CCDC171: variants seen among roughly 807,000 people sequenced by gnomAD.
CCDC171 encodes coiled-coil domain-containing protein 171.
In CCDC171, 177 loss-of-function variants were observed where a neutral mutation model predicts 168.2. The observed-to-expected ratio is 1.05, with a 90% CI of 0.93 to 1.19. CCDC171 has a LOEUF of 1.19. Among genes scored for constraint, CCDC171 ranks in the 50% most tolerant of loss-of-function variants. CCDC171 has a pLI of 0.00. For missense variants in CCDC171, 1,991 were observed against 1,539.0 expected, an observed-to-expected ratio of 1.29 and a Z score of -4.91; for synonymous variants, 687 against 540.8, an observed-to-expected ratio of 1.27 and a Z score of -3.75.
chr9:15,887,850 T>C (rs2131431632), intron 24 of CCDC171: 1 of 152,264 alleles, frequency 6.6e-6, no homozygotes, highest in African/African-American at 2.4e-5. Flanking sequence ...AAAACAGGAA[T>C]TGCATGTAAA....
chr9:15,571,477 C>A, intron 2 of CCDC171, 147 bp from the exon 3 acceptor site: 1 of 545,868 alleles, frequency 1.8e-6, no homozygotes, highest in East Asian at 3.4e-5. Flanking sequence ...TTGCAGTGGA[C>A]ATCTTTTACT....
intron 7 of CCDC171, among the ~76,000 whole-genome samples, chr9:15,652,588 A>G (rs1390841514): frequency 6.6e-6 from 1 of 151,894 alleles, no homozygotes; most frequent in Non-Finnish European, 1.5e-5. Context: ...CCACCACCAC[A>G]CTTGGCTAAT....
chr9:15,837,822 G>A (rs2060514549), intron 21 of CCDC171, among the ~76,000 whole-genome samples: 1 of 152,180 alleles, frequency 6.6e-6, no homozygotes, highest in African/African-American at 2.4e-5. Flanking sequence ...ATTGCACGAT[G>A]GGAAAGCCGG....
chr9:15,699,254 T>C (rs2051479550), intron 11 of CCDC171, among the ~76,000 whole-genome samples: 1 of 152,090 alleles, frequency 6.6e-6, no homozygotes, highest in Admixed American at 6.6e-5. Flanking sequence ...TCTGGAGTTG[T>C]TCGTTCCTCC....
At chr9:15,844,437 T>G (rs2130701178) in intron 21 of CCDC171, among the ~76,000 whole-genome samples, 1 of 152,196 alleles carries the variant, frequency 6.6e-6, no homozygotes. Context: ...GACGTATTCT[T>G]GAATCACGGT....
At chr9:15,998,283 T>G (rs1004585222) in intron 3 of CCDC171, among the ~76,000 whole-genome samples, 1 of 152,204 alleles carries the variant, frequency 6.6e-6, no homozygotes, top group African/African-American at 2.4e-5. Context: ...GCAGAGTATT[T>G]CCTCTCAGCT....
chr9:15,856,480 G>A (rs1252188712), intron 23 of CCDC171, among the ~76,000 whole-genome samples: 1 of 151,866 alleles, frequency 6.6e-6, no homozygotes, highest in African/African-American at 2.4e-5. Context: ...TGTCCTCAAG[G>A]TTCATCCATT....
chr9:15,583,966 C>A (rs769553274), intron 4 of CCDC171, among the ~76,000 whole-genome samples: 1 of 152,258 alleles, frequency 6.6e-6, no homozygotes, highest in East Asian at 1.9e-4. Flanking sequence ...CTCCCGGGTT[C>A]AAGCAATTCT....
intron 7 of CCDC171, among the ~76,000 whole-genome samples, chr9:15,642,703 C>T (rs1229839802): frequency 6.6e-6 from 1 of 151,934 alleles, no homozygotes; most frequent in African/African-American, 2.4e-5. Flanking sequence ...TTGATAGTTT[C>T]AGTAATAATA....
chr9:15,798,852 C>T (rs2058682317), intron 21 of CCDC171, among the ~76,000 whole-genome samples: 1 of 151,884 alleles, frequency 6.6e-6, no homozygotes. Flanking sequence ...TTAGGTATTT[C>T]TCTTTTTTAC....
chr9:15,685,271 C>A (rs559340811), intron 10 of CCDC171, among the ~76,000 whole-genome samples: 1 of 152,104 alleles, frequency 6.6e-6, no homozygotes, highest in Non-Finnish European at 1.5e-5. Flanking sequence ...TGTTTTCATT[C>A]TCAAATTCCT....
At chr9:16,044,234 G>T (rs1355474219) in intron 1 of CCDC171, among the ~76,000 whole-genome samples, 1 of 152,266 alleles carries the variant, frequency 6.6e-6, no homozygotes, top group Non-Finnish European at 1.5e-5. Context: ...ATTCATTTTT[G>T]ATTTAAATAT....
chr9:15,708,119 A>T (rs866473900), intron 11 of CCDC171, among the ~76,000 whole-genome samples: 5 of 152,104 alleles, frequency 3.3e-5, no homozygotes, highest in Admixed American at 2.6e-4. Flanking sequence ...AAGTGTTGGG[A>T]TTACAGGCAT....
intron 11 of CCDC171, among the ~76,000 whole-genome samples, chr9:15,705,204 TATCA>T (rs1564250848): frequency 1.3e-5 from 2 of 152,136 alleles, no homozygotes; most frequent in Non-Finnish European, 2.9e-5. Context: ...TGTATATGGA[TATCA>T]AGTAATGAAG....
intron 21 of CCDC171, among the ~76,000 whole-genome samples, chr9:15,839,051 A>G (rs1050330399): frequency 1.4e-4 from 21 of 152,326 alleles, no homozygotes; most frequent in Admixed American, 4.6e-4. Flanking sequence ...GTCTTGAGTT[A>G]TATAAAATTC....
chr9:15,757,164 G>T (rs1399021306), intron 18 of CCDC171, among the ~76,000 whole-genome samples: 1 of 152,174 alleles, frequency 6.6e-6, no homozygotes, highest in African/African-American at 2.4e-5. Context: ...GAAACAGTTT[G>T]GAGGGCTCAG....
At chr9:15,565,229 T>G (rs947113191) in intron 2 of CCDC171, among the ~76,000 whole-genome samples, 6 of 152,020 alleles carry the variant, frequency 3.9e-5, no homozygotes, top group Non-Finnish European at 5.9e-5. Context: ...GCTGGGATTA[T>G]AGGCGCCTGC....
At chr9:15,642,343 G>GTATGTATA (rs2046692680) in intron 7 of CCDC171, among the ~76,000 whole-genome samples, 2 of 107,570 alleles carry the variant, frequency 1.9e-5, no homozygotes, top group Admixed American at 8.4e-5. Flanking sequence ...GTGTGTGTGT[G>GTATGTATA]TATATATATA....
chr9:15,602,363 GA>G (rs1326206502), intron 6 of CCDC171, among the ~76,000 whole-genome samples: 1 of 146,098 alleles, frequency 6.8e-6, no homozygotes, highest in African/African-American at 2.4e-5. Flanking sequence ...CTCTCTAAGA[GA>G]ATTCAGTTTT....
Sources: gnomAD v4.1 joint callset for allele counts (sites outside exome capture counted in the v4.1 genomes callset) on GRCh38, gnomAD v4.1.1 for gene constraint, MANE v1.5 for transcripts, NCBI Gene and HGNC (gene_info 2026-07-23, HGNC 2026-07-21) for gene names.